WDR75: variants seen among roughly 807,000 people sequenced by gnomAD.
WDR75 encodes WD repeat domain 75.
In WDR75, 52 loss-of-function variants were observed where a neutral mutation model predicts 106.1. The observed-to-expected ratio is 0.49, with a 90% CI of 0.39 to 0.62. WDR75 has a LOEUF of 0.62. WDR75 is among the 20% of genes least tolerant of loss of function. The probability of loss-of-function intolerance (pLI) is 0.00; values close to 1 mark genes in which losing one functional copy is unlikely to be tolerated. For missense variants in WDR75, 905 were observed against 970.3 expected (o/e 0.93, Z 0.89); for synonymous variants, 333 against 335.5 (o/e 0.99, Z 0.08).
At chr2:189,443,489 G>A (rs1296916789) in intron 1 of WDR75, among the ~76,000 whole-genome samples, 1 of 152,162 alleles carries the variant, frequency 6.6e-6, no homozygotes, top group Non-Finnish European at 1.5e-5. Flanking sequence ...ATTCTTTAAG[G>A]GGACGGCGGT....
intron 13 of WDR75, 138 bp downstream of exon 13, chr2:189,466,720 T>C: frequency 2.3e-6 from 2 of 862,796 alleles, no homozygotes; most frequent in East Asian, 5.8e-5. Context: ...TCTTAATAGA[T>C]TTAAGAGATT....
chr2:189,463,956 T>C lies in WDR75; in HGVS notation c.1108T>C (p.Tyr370His), dbSNP rs114176781. The C allele has an allele frequency of 1.7e-5, 27 of 1,612,224 alleles. No homozygotes were observed. The East Asian group carries it at 3.3e-4, about 20-fold the overall frequency. The change falls in exon 11 of 21, where the codon TAC becomes CAC. Residue 370 changes from tyrosine to histidine, a missense_variant. By Grantham distance (83) the Tyr-to-His change is moderately conservative. Coordinates refer to ENST00000314761, the MANE Select transcript of WDR75 (RefSeq NM_032168.3). ...FYSLQSDKQL[Y>H]NLDIIQQEYI... ...TTCTCTCCAGAGTGATAAACAGTTATACAATGTAAGATTTTGATCATTAGC... is the reference window on the plus strand; with the variant it reads ...TTCTCTCCAGAGTGATAAACAGTTACACAATGTAAGATTTTGATCATTAGC...
chr2:189,455,215 T>G lies in WDR75; in HGVS notation c.374-105T>G, dbSNP rs530715317. ...GAGATCACGCCACTGCACTCCAGCC[T>G]GGGCGACAGAGCAAGACTTTGCCTC... On this transcript the variant is annotated intron_variant, in intron 4 of 20. Transcript: ENST00000314761. 4.6e-5 allele frequency: 63 copies of G among 1,363,158 alleles called. 1 individual carries two copies. In the African/African-American group the frequency reaches 9.0e-4, roughly 19 times the overall value. The allele number at this position is 1,363,158 out of a possible 1,614,324, so 84.4% of individuals were successfully genotyped here.
chr2:189,448,635 G>C (rs183482891), intron 2 of WDR75, 127 bp downstream of exon 2: 344 of 1,278,816 alleles, frequency 2.7e-4, no homozygotes, highest in Non-Finnish European at 3.5e-4. Flanking sequence ...CAGTTGTAGG[G>C]TATTTTCCAC....
Position 189,468,508 on chromosome 2 carries a change from G to C in WDR75, c.1662G>C (p.Lys554Asn), listed in dbSNP as rs34346657. Residue 554 changes from lysine to asparagine, a missense_variant, in exon 15 of 21, where the codon AAG (lysine) becomes AAC (asparagine). Coordinates refer to ENST00000314761, the MANE Select transcript of WDR75 (RefSeq NM_032168.3). ...HLCFGRLTCS[K>N]YLLGATENGI... ...GCTTTGGGAGATTGACGTGTTCAAA[G>C]TATCTACTTGGTGCTACTGAAAATG... The C allele has an allele frequency of 2.0e-4, 323 of 1,613,404 alleles. 2 individuals carry two copies. In the African/African-American group the frequency reaches 4.0e-3, roughly 20 times the overall value.
chr2:189,469,300 T>A (rs1330029625), intron 15 of WDR75, 44 bp from the exon 16 acceptor site: 1 of 1,500,106 alleles, frequency 6.7e-7, no homozygotes, highest in African/African-American at 1.4e-5. Flanking sequence ...AAGCTTTTGG[T>A]AAATCTTTCC....
chr2:189,445,882 G>C (rs1274029088), intron 1 of WDR75, among the ~76,000 whole-genome samples: 1 of 152,204 alleles, frequency 6.6e-6, no homozygotes, highest in Non-Finnish European at 1.5e-5. Flanking sequence ...AGCAGAGAGT[G>C]CAAAACCATG....
intron 1 of WDR75, among the ~76,000 whole-genome samples, chr2:189,444,930 C>T (rs1686463606): frequency 6.6e-6 from 1 of 152,146 alleles, no homozygotes; most frequent in South Asian, 2.1e-4. Context: ...ATACATCCTT[C>T]AGAGTCTAGT....
chr2:189,468,343 A>T, intron 14 of WDR75, 132 bp from the exon 15 acceptor site: 1 of 730,794 alleles, frequency 1.4e-6, no homozygotes, highest in Admixed American at 2.8e-5. Flanking sequence ...TCTTCAGGAT[A>T]ATTATAAACA....
At position 189,457,371 on chromosome 2, in the gene WDR75, A is replaced by T; in HGVS notation, c.559A>T (p.Thr187Ser). The T allele has an allele frequency of 6.3e-7, 1 of 1,593,320 alleles. No individual in the cohort carries two copies. Among genetic ancestry groups the T allele is most frequent in the Admixed American group, 1.7e-5 (1 of 59,576 alleles). ...GTCTGTTTATTTTTTCAAAAAGAAA[A>T]CAACATCAAGGTAAGAATTATTTTT... is the stretch of plus-strand genomic sequence containing the variant. Reference protein sequence around the residue: ...YLSVYFFKKKTTSRFTLSSSR... With the variant: ...YLSVYFFKKKSTSRFTLSSSR... The change falls in exon 6 of 21, where the codon ACA becomes TCA. Residue 187 changes from threonine (T) to serine (S), a missense_variant. Physicochemically the swap from Thr to Ser is moderately conservative, Grantham distance 58 (BLOSUM62 1). Coordinates refer to ENST00000314761, the MANE Select transcript of WDR75 (RefSeq NM_032168.3).
rs142926303 is a variant in WDR75 at position 189,451,782 on chromosome 2, C to A, written c.283-23C>A. 1.6e-5 allele frequency: 25 copies of A among 1,598,616 alleles called. No homozygotes were observed. In the East Asian group the frequency reaches 5.6e-4, roughly 36 times the overall value. On this transcript the variant is annotated intron_variant, in intron 3 of 20. Coordinates refer to ENST00000314761, the MANE Select transcript of WDR75 (RefSeq NM_032168.3). Reference sequence around the variant, plus strand: ...CACTGGAGGGAACAGACAGTAAACACTATGGTGCTCTTTATCTTTCAGACT... The same window carrying A: ...CACTGGAGGGAACAGACAGTAAACAATATGGTGCTCTTTATCTTTCAGACT...
In WDR75 at chr2:189,467,635, G is replaced by A. The variant is rs1687029818; in HGVS notation, c.1615G>A (p.Ala539Thr). The A allele has an allele frequency of 6.3e-7, 1 of 1,596,004 alleles. No individual in the cohort carries two copies. Among genetic ancestry groups the A allele is most frequent in the African/African-American group, 1.4e-5 (1 of 74,026 alleles). Reference protein sequence around the residue: ...WELKCTFCQRAGKIRHLCFGR... With the variant: ...WELKCTFCQRTGKIRHLCFGR... ...ACTTAAATGTACATTTTGCCAACGAGCTGGGAAAATAAGGTAGGTAAATCT... is the reference window on the plus strand; with the variant it reads ...ACTTAAATGTACATTTTGCCAACGAACTGGGAAAATAAGGTAGGTAAATCT... The change falls in exon 14 of 21, where the codon GCT (alanine) becomes ACT (threonine). Residue 539 changes from alanine to threonine, a missense_variant. Transcript: ENST00000314761.
rs533923767 is a variant in WDR75 at position 189,463,587 on chromosome 2, G to C, written c.938-107G>C. ...ATAATAATAATAATGTTTTCAGAAA[G>C]TTTATGAATTTGTGTTAGGCTGCAT... On this transcript the variant is annotated intron_variant, in intron 9 of 20. Transcript: ENST00000314761. The C allele has an allele frequency of 3.4e-6, 3 of 891,622 alleles. No individual in the cohort carries two copies. The African/African-American group carries it at 5.1e-5, about 15-fold the overall frequency. The allele number at this position is 891,622 out of a possible 1,614,324, so 55.2% of individuals were successfully genotyped here.
At chr2:189,471,988 ATTCTTG>A (rs1407464363) in intron 18 of WDR75, among the ~76,000 whole-genome samples, 2 of 152,146 alleles carry the variant, frequency 1.3e-5, no homozygotes, top group African/African-American at 4.8e-5. Context: ...GACCAATACC[ATTCTTG>A]TTCTTGTTCC....
At chr2:189,453,894 T>G (rs1308435581) in intron 4 of WDR75, among the ~76,000 whole-genome samples, 6 of 152,232 alleles carry the variant, frequency 3.9e-5, no homozygotes, top group African/African-American at 1.4e-4. Flanking sequence ...CTTCTCTGGT[T>G]TAAAAACAAA....
chr2:189,460,436 C>G (rs1686854180), intron 8 of WDR75, among the ~76,000 whole-genome samples: 1 of 151,974 alleles, frequency 6.6e-6, no homozygotes, highest in African/African-American at 2.4e-5. Flanking sequence ...ACCCTCCTTC[C>G]CACTCCACAC....
intron 1 of WDR75, among the ~76,000 whole-genome samples, chr2:189,443,837 T>C (rs1345690428): frequency 1.3e-5 from 2 of 152,160 alleles, no homozygotes; most frequent in East Asian, 3.9e-4. Flanking sequence ...GAAAAGACTC[T>C]GGAAGAATAG....
intron 1 of WDR75, among the ~76,000 whole-genome samples, chr2:189,444,494 T>A (rs774606923): frequency 6.6e-6 from 1 of 152,162 alleles, no homozygotes; most frequent in African/African-American, 2.4e-5. Flanking sequence ...TGTGAATTAT[T>A]GCACTGGGGT....
chr2:189,468,471 C>T lies in WDR75; in HGVS notation c.1629-4C>T. 6.2e-7 allele frequency: 1 copy of T among 1,613,048 alleles called. No individual in the cohort carries two copies. Among genetic ancestry groups the T allele is most frequent in the South Asian group, 1.1e-5 (1 of 91,044 alleles). On this transcript the variant is annotated splice_polypyrimidine_tract_variant and splice_region_variant and intron_variant, in intron 14 of 20. Transcript: ENST00000314761. ...TTGCTAACTTCCTTGTGGTTTTAAT[C>T]TAGGCACCTTTGCTTTGGGAGATTG...
Sources: allele counts gnomAD v4.1 joint callset (sites outside exome capture counted in the v4.1 genomes callset), GRCh38; gene constraint gnomAD v4.1.1; transcripts MANE v1.5; gene names NCBI Gene and HGNC (gene_info 2026-07-23, HGNC 2026-07-21).